Variants in SMC4 observed in about 807,000 individuals in gnomAD.
The protein encoded by SMC4 is structural maintenance of chromosomes 4, also known as structural maintenance of chromosomes protein 4.
Under a neutral mutation model 145.6 loss-of-function variants are expected in SMC4, and 87 were observed. The ratio of observed to expected loss-of-function variants is 0.60; its 90% CI spans 0.50 to 0.71. SMC4 has a LOEUF of 0.71. SMC4 is among the 30% of genes least tolerant of loss of function. The pLI is 0.00. For missense variants in SMC4, 1,447 were observed against 1,537.1 expected, an observed-to-expected ratio of 0.94 and a Z score of 0.98; for synonymous variants, 558 against 500.7, an observed-to-expected ratio of 1.11 and a Z score of -1.53.
intron 18 of SMC4, among the ~76,000 whole-genome samples, chr3:160,430,384 A>G (rs572881199): frequency 6.6e-6 from 1 of 152,326 alleles, no homozygotes; most frequent in Admixed American, 6.5e-5. Context: ...TTATATAAGA[A>G]AGGCATTTAT....
At chr3:160,423,171 G>A (rs761699514) in intron 13 of SMC4, among the ~76,000 whole-genome samples, 1 of 152,150 alleles carries the variant, frequency 6.6e-6, no homozygotes, top group Non-Finnish European at 1.5e-5. Flanking sequence ...AAAAGGCGAG[G>A]AAGTAACTGG....
intron 10 of SMC4, 118 bp from the exon 11 acceptor site, chr3:160,417,605 T>C: frequency 1.2e-6 from 1 of 815,874 alleles, no homozygotes. Flanking sequence ...TTCTTATTTC[T>C]ATATACTGTG....
At chr3:160,406,426 AT>A (rs1239681254) in intron 5 of SMC4, among the ~76,000 whole-genome samples, 1 of 152,102 alleles carries the variant, frequency 6.6e-6, no homozygotes, top group Admixed American at 6.5e-5. Flanking sequence ...GCTTATGAAA[AT>A]CTCAGACTCC....
At chr3:160,431,977 T>C (rs1576999908) in intron 21 of SMC4, 152 bp downstream of exon 21, 10 of 778,682 alleles carry the variant, frequency 1.3e-5, no homozygotes, top group Non-Finnish European at 2.0e-5. Context: ...CAAAGGCGGG[T>C]GGATCACAAG....
In SMC4 at chr3:160,405,221, C is replaced by T. The variant is rs559961082; in HGVS notation, c.687+717C>T. ...GTGCCAAACTGATTTTTATTAGAAA[C>T]CCTGTTTTCTTTAAGTAAAAGTATA... On this transcript the variant is annotated intron_variant, in intron 5 of 23. Coordinates refer to ENST00000357388, the MANE Select transcript of SMC4 (RefSeq NM_001002800.3). Among the ~76,000 whole-genome samples, 5 of 151,932 alleles carry T rather than the reference C, an allele frequency of 3.3e-5. No individual in the cohort carries two copies. In the South Asian group the frequency reaches 8.3e-4, roughly 25 times the overall value.
In SMC4 at chr3:160,420,856, T is replaced by C; in HGVS notation, c.1974T>C (p.Leu658=). The C allele has an allele frequency of 6.2e-7, 1 of 1,613,744 alleles. No individual in the cohort carries two copies. Among genetic ancestry groups the C allele is most frequent in the Non-Finnish European group, 8.5e-7 (1 of 1,179,846 alleles). ...TAGCCCAAGAATGTGTAAACTTCCT[T>C]AAAAGACAAAATATTGGAGTTGCAA... The part of the protein sequence containing the change: ...IDIAQECVNF[L]KRQNIGVATF... Residue 658 remains leucine (L), a synonymous_variant, in exon 13 of 24, where the codon CTT becomes CTC. Coordinates refer to ENST00000357388, the MANE Select transcript of SMC4 (RefSeq NM_001002800.3).
At chr3:160,408,971 A>T (rs567694581) in intron 5 of SMC4, among the ~76,000 whole-genome samples, 10 of 152,040 alleles carry the variant, frequency 6.6e-5, no homozygotes, top group African/African-American at 1.9e-4. Flanking sequence ...TAACTGGTTT[A>T]AAAAAAAGCA....
At position 160,400,861 on chromosome 3, in the gene SMC4, G is replaced by C; in HGVS notation, c.35G>C (p.Arg12Pro). The C allele has an allele frequency of 6.5e-7, 1 of 1,531,676 alleles. No individual in the cohort carries two copies. The highest frequency in any genetic ancestry group is 1.2e-5 in the South Asian group (1 of 83,628). 94.9% of individuals were successfully genotyped at this position (1,531,676 alleles called of 1,614,324 possible). Residue 12 changes from arginine to proline, a missense_variant, in exon 2 of 24, where the codon CGG (arginine) becomes CCG (proline). Physicochemically the swap from Arg to Pro is moderately radical, Grantham distance 103. Transcript: ENST00000357388. ...AAAGGCACCCAGCCCTCCACTGCCC[G>C]GCGCAGAGAGGAAGGGCCGCCGCCG... The part of the protein sequence containing the change: ...PRKGTQPSTA[R>P]RREEGPPPPS...
In SMC4 at chr3:160,432,491, C is replaced by A; in HGVS notation, c.3506C>A (p.Pro1169His). The A allele has an allele frequency of 6.2e-7, 1 of 1,605,298 alleles. No individual in the cohort carries two copies. The highest frequency in any genetic ancestry group is 8.5e-7 in the Non-Finnish European group (1 of 1,176,146). ...AELELVDSLD[P>H]FSEGIMFSVR... ...CTCGAGCTTGTAGACAGCTTGGATC[C>A]TTTCTCTGAAGGAATCATGTTCAGG... is the stretch of plus-strand genomic sequence containing the variant. The change falls in exon 22 of 24, where the codon CCT (proline) becomes CAT (histidine). Residue 1169 changes from proline to histidine, a missense_variant. Coordinates refer to ENST00000357388, the MANE Select transcript of SMC4 (RefSeq NM_001002800.3).
intron 17 of SMC4, 93 bp downstream of exon 17, chr3:160,426,293 C>G: frequency 1.1e-6 from 1 of 912,572 alleles, no homozygotes. Flanking sequence ...ATAATAGAAG[C>G]TAAGTATATG....
chr3:160,423,659 G>A lies in SMC4; in HGVS notation c.2245+9G>A, dbSNP rs780731137. 6.2e-7 allele frequency: 1 copy of A among 1,601,296 alleles called. No homozygotes were observed. The highest frequency in any genetic ancestry group is 8.5e-7 in the Non-Finnish European group (1 of 1,172,728). ...AATCATAGAACAGTCAGGTAATAGTGTTTTTGTTTCTTGGTTTGTTTTTTT... is the reference window on the plus strand; with the variant it reads ...AATCATAGAACAGTCAGGTAATAGTATTTTTGTTTCTTGGTTTGTTTTTTT... On this transcript the variant is annotated intron_variant, in intron 14 of 23. Coordinates refer to ENST00000357388, the MANE Select transcript of SMC4 (RefSeq NM_001002800.3).
At chr3:160,414,165 G>GGC in intron 8 of SMC4, 1 of 583,818 alleles carries the variant, frequency 1.7e-6, no homozygotes, top group South Asian at 1.5e-5. Context: ...AACTTAGAAA[G>GGC]GCAAAATAGC....
At chr3:160,433,462 C>T (rs1350379750) in intron 23 of SMC4, 195 bp from the exon 24 acceptor site, 9 of 554,588 alleles carry the variant, frequency 1.6e-5, no homozygotes, top group Non-Finnish European at 2.5e-5. Context: ...GGTCATCTTC[C>T]TAGATCTTTT....
At position 160,434,105 on chromosome 3, in the gene SMC4, G is replaced by C. The variant is rs1577005129; in HGVS notation, c.*296G>C. The C allele has an allele frequency of 4.2e-6, 1 of 235,412 alleles. No individual in the cohort carries two copies. Among genetic ancestry groups the C allele is most frequent in the Non-Finnish European group, 8.2e-6 (1 of 122,534 alleles). The allele number at this position is 235,412 out of a possible 1,614,324, so 14.6% of individuals were successfully genotyped here. On this transcript the variant is annotated 3_prime_UTR_variant, in exon 24 of 24. Coordinates refer to ENST00000357388, the MANE Select transcript of SMC4 (RefSeq NM_001002800.3). ...TAGTTGAGGCAAAGTCCTAAGCAAG[G>C]TTGTGCTATCAAGGCTCAGCATACC...
At chr3:160,404,304 T>G in intron 4 of SMC4, 24 bp from the exon 5 acceptor site, 1 of 1,584,454 alleles carries the variant, frequency 6.3e-7, no homozygotes, top group Non-Finnish European at 8.5e-7. Flanking sequence ...AATTGTTTTC[T>G]GGTTTTGTTT....
chr3:160,417,887 C>G lies in SMC4; in HGVS notation c.1602C>G (p.Leu534=). The change falls in exon 11 of 24, where the codon CTC becomes CTG. Residue 534 remains leucine (L), a synonymous_variant. Coordinates refer to ENST00000357388, the MANE Select transcript of SMC4 (RefSeq NM_001002800.3). The stretch of plus-strand genomic sequence containing the variant: ...CTCTAATTGCAGCTTCTGAGACTCT[C>G]AAAGAAAGGAAAGCTGCAATCAGAG... ...KEALIAASET[L]KERKAAIRDI... is the part of the protein sequence containing the mutation. 2 of 1,613,540 alleles carry G rather than the reference C, an allele frequency of 1.2e-6. No homozygotes were observed. Among genetic ancestry groups the G allele is most frequent in the Non-Finnish European group, 1.7e-6 (2 of 1,179,752 alleles).
At chr3:160,427,829 GTAA>G (rs534833818) in intron 17 of SMC4, among the ~76,000 whole-genome samples, 153 of 152,334 alleles carry the variant, frequency 1.0e-3, no homozygotes, top group African/African-American at 3.6e-3. Context: ...GCTCACACCT[GTAA>G]TCCCAGCACT....
At chr3:160,432,708 T>A in intron 22 of SMC4, 193 bp downstream of exon 22, 1 of 541,030 alleles carries the variant, frequency 1.8e-6, no homozygotes, top group Non-Finnish European at 3.2e-6. Flanking sequence ...TACAAAATAT[T>A]TGTCTAGTTC....
chr3:160,431,743 T>C lies in SMC4; in HGVS notation c.3215T>C (p.Ile1072Thr). The C allele has an allele frequency of 2.6e-5, 42 of 1,613,998 alleles. No homozygotes were observed. The highest frequency in any genetic ancestry group is 3.5e-5 in the Non-Finnish European group (41 of 1,179,972). ...DLEAIKNPDS[I>T]TNQIALLEAR... ...GAAGCGATCAAGAATCCAGATTCTA[T>C]AACAAATCAAATTGCACTTTTGGAA... Residue 1072 changes from isoleucine (I) to threonine (T), a missense_variant, in exon 21 of 24, where the codon ATA becomes ACA. Physicochemically the swap from Ile to Thr is moderately conservative, Grantham distance 89. Coordinates refer to ENST00000357388, the MANE Select transcript of SMC4 (RefSeq NM_001002800.3).
Sources: allele counts gnomAD v4.1 joint callset (sites outside exome capture counted in the v4.1 genomes callset), GRCh38; gene constraint gnomAD v4.1.1; transcripts MANE v1.5; gene names NCBI Gene and HGNC (gene_info 2026-07-23, HGNC 2026-07-21).